Variants in PTCD2 observed in about 807,000 individuals in gnomAD.
PTCD2 encodes pentatricopeptide repeat domain 2.
A neutral mutation model predicts 42.6 loss-of-function variants in PTCD2; 31 were observed. The observed-to-expected ratio is 0.73, with a 90% CI of 0.55 to 0.98. The LOEUF is 0.98. Ranked by LOEUF, PTCD2 falls within the 50% of genes least tolerant of loss-of-function variation. The pLI, the probability that PTCD2 is intolerant of heterozygous loss-of-function variation, is 0.00. For missense variants in PTCD2, 476 were observed against 454.8 expected, an observed-to-expected ratio of 1.05 and a Z score of -0.42; for synonymous variants, 183 against 170.9, an observed-to-expected ratio of 1.07 and a Z score of -0.55.
At chr5:72,346,964 G>T (rs945565929) in intron 8 of PTCD2, among the ~76,000 whole-genome samples, 4 of 152,128 alleles carry the variant, frequency 2.6e-5, no homozygotes, top group Admixed American at 6.6e-5. Context: ...AGTAAGAATT[G>T]GTGATAAGAA....
chr5:72,338,770 G>A, intron 7 of PTCD2, 35 bp downstream of exon 7: 2 of 1,204,004 alleles, frequency 1.7e-6, no homozygotes, highest in East Asian at 2.3e-5. Context: ...TAAATTGGGA[G>A]TGGCCAGGAC....
chr5:72,347,728 T>C (rs1752430187), intron 8 of PTCD2, among the ~76,000 whole-genome samples: 2 of 152,014 alleles, frequency 1.3e-5, no homozygotes, highest in African/African-American at 4.8e-5. Flanking sequence ...TGATTTTTTT[T>C]TTTTCCCCCA....
intron 1 of PTCD2, among the ~76,000 whole-genome samples, chr5:72,321,815 TTA>T (rs1338990063): frequency 6.6e-6 from 1 of 152,154 alleles, no homozygotes; most frequent in Non-Finnish European, 1.5e-5. Flanking sequence ...TTAAATGTTA[TTA>T]GTTTTTTTTT....
chr5:72,363,549 C>G lies in PTCD2; in HGVS notation c.*5122C>G, dbSNP rs1021538850. On this transcript the variant is annotated 3_prime_UTR_variant, in exon 10 of 10. Transcript: ENST00000380639. The stretch of plus-strand genomic sequence containing the variant: ...GAGGGGGAAGAGTGGGAAGTCTGGC[C>G]TTGTCTCTGGACTCCTGAGTAAATA... The G allele has an allele frequency of 2.6e-5, 4 of 152,396 alleles. No individual in the cohort carries two copies. The highest frequency in any genetic ancestry group is 9.6e-5 in the African/African-American group (4 of 41,454). The allele number at this position is 152,396 out of a possible 1,614,324, so 9.4% of individuals were successfully genotyped here. A position where few individuals can be genotyped will look rare whatever the true frequency, so the allele number is the denominator to read the frequency against.
chr5:72,338,373 T>G (rs1199502221), intron 6 of PTCD2, among the ~76,000 whole-genome samples: 3 of 152,320 alleles, frequency 2.0e-5, no homozygotes, highest in African/African-American at 7.2e-5. Context: ...GTTTTCTGGT[T>G]AAAACTGCCC....
In PTCD2 at chr5:72,367,279, G is replaced by A. The variant is rs986736751; in HGVS notation, c.*8852G>A. Reference sequence around the variant, plus strand: ...CAGAGCACTAACTATACTGGGGCTGGGATGGGGATTCTGATGAGAGATATC... The same window carrying A: ...CAGAGCACTAACTATACTGGGGCTGAGATGGGGATTCTGATGAGAGATATC... On this transcript the variant is annotated 3_prime_UTR_variant, in exon 10 of 10. Coordinates refer to ENST00000380639, the MANE Select transcript of PTCD2 (RefSeq NM_024754.5). The A allele has an allele frequency of 5.3e-5, 8 of 152,198 alleles. No homozygotes were observed. Among genetic ancestry groups the A allele is most frequent in the Non-Finnish European group, 1.0e-4 (7 of 68,040 alleles). 9.4% of individuals were successfully genotyped at this position (152,198 alleles called of 1,614,324 possible).
intron 6 of PTCD2, among the ~76,000 whole-genome samples, chr5:72,336,934 A>G (rs1203238636): frequency 6.6e-6 from 1 of 152,160 alleles, no homozygotes; most frequent in Non-Finnish European, 1.5e-5. Flanking sequence ...GTAGAAGAAC[A>G]TGGGCTGTTG....
rs149290755 is a variant in PTCD2 at position 72,335,982 on chromosome 5, C to T, written c.639+97C>T. 5 of 681,232 alleles carry T rather than the reference C, an allele frequency of 7.3e-6. No individual in the cohort carries two copies. The Admixed American group carries it at 1.3e-4, about 18-fold the overall frequency. The allele number at this position is 681,232 out of a possible 1,614,324, so 42.2% of individuals were successfully genotyped here. A position where few individuals can be genotyped will look rare whatever the true frequency, so the allele number is the denominator to read the frequency against. On this transcript the variant is annotated intron_variant, in intron 6 of 9. Coordinates refer to ENST00000380639, the MANE Select transcript of PTCD2 (RefSeq NM_024754.5). ...AAATAAAATTCAGTTCCTCTGAAAT[C>T]TGTTTTCCATCTGGTGCAAATGTTT...
intron 4 of PTCD2, among the ~76,000 whole-genome samples, 173 bp from the exon 5 acceptor site, chr5:72,334,845 G>A (rs547829210): frequency 7.9e-5 from 12 of 152,104 alleles, no homozygotes; most frequent in Admixed American, 5.2e-4. Context: ...CACCACGCCC[G>A]GCCAACTTTT....
intron 6 of PTCD2, 118 bp from the exon 7 acceptor site, chr5:72,338,504 G>T: frequency 2.2e-6 from 1 of 460,434 alleles, no homozygotes; most frequent in East Asian, 3.4e-5. Flanking sequence ...CTTTTAAGTG[G>T]CTTGAGGGAG....
Position 72,360,752 on chromosome 5 carries a change from T to G in PTCD2, c.*2325T>G, listed in dbSNP as rs1417278740. 1 of 151,878 alleles carries G rather than the reference T, an allele frequency of 6.6e-6. No individual in the cohort carries two copies. 9.4% of individuals were successfully genotyped at this position (151,878 alleles called of 1,614,324 possible). On this transcript the variant is annotated 3_prime_UTR_variant, in exon 10 of 10. Coordinates refer to ENST00000380639, the MANE Select transcript of PTCD2 (RefSeq NM_024754.5). ...CAGGCTGGAGTGCAGTGGTGTGATC[T>G]CAGCTCACTGCAACTTCTGCCTCCT...
chr5:72,330,749 G>A (rs944558933), intron 3 of PTCD2, among the ~76,000 whole-genome samples: 3 of 152,152 alleles, frequency 2.0e-5, no homozygotes, highest in Non-Finnish European at 4.4e-5. Context: ...TCATAGCCCA[G>A]GTGTACCTTT....
At chr5:72,353,723 A>G (rs1752731774) in intron 9 of PTCD2, among the ~76,000 whole-genome samples, 1 of 152,234 alleles carries the variant, frequency 6.6e-6, no homozygotes, top group South Asian at 2.1e-4. Flanking sequence ...TTAGTGTAAC[A>G]TAGAGACAAG....
chr5:72,335,893 T>G lies in PTCD2; in HGVS notation c.639+8T>G. 6.4e-7 allele frequency: 1 copy of G among 1,554,348 alleles called. No homozygotes were observed. Among genetic ancestry groups the G allele is most frequent in the East Asian group, 2.2e-5 (1 of 44,588 alleles). ...GCAATTTGCTACAAACTGGTAAGAC[T>G]CTTTCCTCTTAACTTTGAGAGCATT... On this transcript the variant is annotated splice_region_variant and intron_variant, in intron 6 of 9. Coordinates refer to ENST00000380639, the MANE Select transcript of PTCD2 (RefSeq NM_024754.5).
intron 3 of PTCD2, among the ~76,000 whole-genome samples, chr5:72,327,872 A>C (rs1751231121): frequency 6.6e-6 from 1 of 152,228 alleles, no homozygotes; most frequent in Non-Finnish European, 1.5e-5. Flanking sequence ...GAATACTGGA[A>C]GATTCTCTAC....
At chr5:72,341,837 TC>T (rs1752079441) in intron 7 of PTCD2, among the ~76,000 whole-genome samples, 1 of 151,740 alleles carries the variant, frequency 6.6e-6, no homozygotes, top group Admixed American at 6.6e-5. Context: ...GGTCAGGAGA[TC>T]GAGACCATCC....
In PTCD2 at chr5:72,326,702, C is replaced by T. The variant is rs779566051; in HGVS notation, c.311C>T (p.Ser104Phe). 5.0e-6 allele frequency: 8 copies of T among 1,614,174 alleles called. No individual in the cohort carries two copies. ...ATAACCTTACTACATTTGTGTGAGT[C>T]TCGGGACCATGTGGAACTGGCTAAA... ...ELITLLHLCE[S>F]RDHVELAKNV... Residue 104 changes from serine to phenylalanine, a missense_variant, in exon 3 of 10, where the codon TCT becomes TTT. Ser to Phe is a radical substitution (Grantham distance 155). Coordinates refer to ENST00000380639, the MANE Select transcript of PTCD2 (RefSeq NM_024754.5).
rs758684170 is a variant in PTCD2 at position 72,338,726 on chromosome 5, T to G, written c.744T>G (p.Ala248=). The change falls in exon 7 of 10, where the codon GCT becomes GCG. Residue 248 remains alanine (A), a synonymous_variant. Transcript: ENST00000380639. ...CATCCTGTTTCGCTGTGGCATTAGC[T>G]CTGAATCAGGTAAAGCCTTGTGGTG... The part of the protein sequence containing the change: ...RRASCFAVAL[A]LNQNEMAKAV... 3.8e-6 allele frequency: 6 copies of G among 1,595,532 alleles called. No homozygotes were observed. The East Asian group carries it at 1.3e-4, about 36-fold the overall frequency.
At position 72,320,517 on chromosome 5, in the gene PTCD2, C is replaced by T. The variant is rs371845297; in HGVS notation, c.127+8C>T. 10 of 1,613,464 alleles carry T rather than the reference C, an allele frequency of 6.2e-6. No individual in the cohort carries two copies. In the Admixed American group the frequency reaches 1.2e-4, roughly 19 times the overall value. ...GCCGCTGCCCTCTCGGAGGTATCCGCGGCTTTAGCCTAGGGAAGGAGGGGA... is the reference window on the plus strand; with the variant it reads ...GCCGCTGCCCTCTCGGAGGTATCCGTGGCTTTAGCCTAGGGAAGGAGGGGA... On this transcript the variant is annotated splice_region_variant and intron_variant, in intron 1 of 9. Transcript: ENST00000380639.
Sources: allele counts gnomAD v4.1 joint callset (sites outside exome capture counted in the v4.1 genomes callset), GRCh38; gene constraint gnomAD v4.1.1; transcripts MANE v1.5; gene names NCBI Gene and HGNC (gene_info 2026-07-23, HGNC 2026-07-21).